Variants in GRM8 observed in about 807,000 individuals in gnomAD.
GRM8 encodes the protein glutamate metabotropic receptor 8.
Under a neutral mutation model 87.2 loss-of-function variants are expected in GRM8, and 47 were observed. The ratio of observed to expected loss-of-function variants is 0.54; its 90% CI spans 0.43 to 0.69. The LOEUF (loss-of-function observed/expected upper bound fraction) is 0.69, where lower values mean the gene tolerates loss of function less well. GRM8 is among the 30% of genes least tolerant of loss of function. The probability of loss-of-function intolerance (pLI) is 0.00; values close to 1 mark genes in which losing one functional copy is unlikely to be tolerated. For synonymous variants in GRM8, 396 were observed against 404.5 expected (o/e 0.98, Z 0.25); for missense variants, 1,019 against 1,139.2 (o/e 0.89, Z 1.52).
chr7:126,823,643 CA>C (rs1775180342), intron 6 of GRM8, among the ~76,000 whole-genome samples: 2 of 152,182 alleles, frequency 1.3e-5, no homozygotes, highest in Non-Finnish European at 2.9e-5. Flanking sequence ...ATTATCATTT[CA>C]AAATGTTATC....
At chr7:126,529,581 T>C (rs2150836930) in intron 9 of GRM8, among the ~76,000 whole-genome samples, 1 of 152,326 alleles carries the variant, frequency 6.6e-6, no homozygotes, top group Non-Finnish European at 1.5e-5. Context: ...TTTTGCCTTT[T>C]TGAGTTTTAT....
In GRM8 at chr7:126,439,407, A is replaced by G. The variant is rs573456856; in HGVS notation, c.2678-239T>C. On this transcript the variant is annotated intron_variant, in intron 10 of 10. Coordinates refer to ENST00000339582, the MANE Select transcript of GRM8 (RefSeq NM_000845.3). ...ATTATAATGGAGCTGAAAAATTCCT[A>G]TCACCCAGTGAACACATAACACAAC... Among the ~76,000 whole-genome samples the G allele has an allele frequency of 7.2e-5, 11 of 152,262 alleles. No individual in the cohort carries two copies. In the South Asian group the frequency reaches 2.1e-3, roughly 29 times the overall value.
intron 6 of GRM8, among the ~76,000 whole-genome samples, chr7:126,849,863 G>A (rs751194083): frequency 7.2e-5 from 11 of 151,974 alleles, no homozygotes; most frequent in Non-Finnish European, 1.2e-4. Context: ...AGCTCCATTC[G>A]AAAAAGAACA....
Position 126,845,520 on chromosome 7 carries a change from C to A in GRM8, c.1156+57022G>T, listed in dbSNP as rs530113279. Among the ~76,000 whole-genome samples, 52 of 152,216 alleles carry A rather than the reference C, an allele frequency of 3.4e-4. 1 individual carries two copies. Among genetic ancestry groups the A allele is most frequent in the Non-Finnish European group, 6.8e-4 (46 of 68,010 alleles). Reference sequence around the variant, plus strand: ...ACAATCTGCACAGAAATGAATCATTCATTACTAAACTTCCTTTACACACCA... The same window carrying A: ...ACAATCTGCACAGAAATGAATCATTAATTACTAAACTTCCTTTACACACCA... On this transcript the variant is annotated intron_variant, in intron 6 of 10. Transcript: ENST00000339582.
At chr7:126,801,466 T>C (rs1441706724) in intron 6 of GRM8, among the ~76,000 whole-genome samples, 1 of 152,234 alleles carries the variant, frequency 6.6e-6, no homozygotes, top group Non-Finnish European at 1.5e-5. Context: ...GTTTAATGAA[T>C]AGTATTTTTC....
At chr7:127,224,575 A>G (rs17875009) in intron 2 of GRM8, among the ~76,000 whole-genome samples, 7,406 of 152,254 alleles carry the variant, frequency 0.049, 481 homozygotes, top group African/African-American at 0.13. Flanking sequence ...GATAAAAGAA[A>G]GAATGTCTCA....
intron 7 of GRM8, among the ~76,000 whole-genome samples, chr7:126,741,736 G>A (rs1049697966): frequency 5.3e-5 from 8 of 152,056 alleles, no homozygotes; most frequent in South Asian, 2.1e-4. Flanking sequence ...CTGAGCCTTC[G>A]TTTCCTTCTT....
intron 3 of GRM8, among the ~76,000 whole-genome samples, chr7:127,082,713 G>A (rs6964696): frequency 0.013 from 1,990 of 152,184 alleles, 42 homozygotes; most frequent in African/African-American, 0.045. Context: ...AATAATAATG[G>A]CAAACATTTC....
At chr7:126,949,834 T>C (rs191916047) in intron 3 of GRM8, among the ~76,000 whole-genome samples, 1 of 152,276 alleles carries the variant, frequency 6.6e-6, no homozygotes, top group Non-Finnish European at 1.5e-5. Context: ...TTTGGGAGAC[T>C]TTCCCTGACT....
At chr7:126,655,060 A>C (rs1170944467) in intron 7 of GRM8, among the ~76,000 whole-genome samples, 1 of 152,238 alleles carries the variant, frequency 6.6e-6, no homozygotes, top group Non-Finnish European at 1.5e-5. Flanking sequence ...AAAGTAAAAA[A>C]AGAACATACA....
At chr7:126,495,853 G>T (rs1808642740) in intron 9 of GRM8, among the ~76,000 whole-genome samples, 1 of 151,912 alleles carries the variant, frequency 6.6e-6, no homozygotes, top group Non-Finnish European at 1.5e-5. Context: ...AGAAAAATTT[G>T]TTGGCAAGGT....
Position 126,714,321 on chromosome 7 carries a change from AAT to A in GRM8, c.1357+55542_1357+55543del, listed in dbSNP as rs1361726400. 4.3e-4 allele frequency among the ~76,000 whole-genome samples: 59 copies of A among 138,388 alleles called. No homozygotes were observed. In the East Asian group the frequency reaches 5.3e-3, roughly 12 times the overall value. The allele number at this position is 138,388 out of a possible 152,430, so 90.8% of individuals were successfully genotyped here. A position where few individuals can be genotyped will look rare whatever the true frequency, so the allele number is the denominator to read the frequency against. On this transcript the variant is annotated intron_variant, in intron 7 of 10. Coordinates refer to ENST00000339582, the MANE Select transcript of GRM8 (RefSeq NM_000845.3). Reference sequence around the variant, plus strand: ...TAATAATAATAATAATAATAATAATAATAAATAGTATCTACCTACAAAGTGCT... The same window carrying A: ...TAATAATAATAATAATAATAATAATAAAATAGTATCTACCTACAAAGTGCT...
chr7:127,225,544 G>T (rs1797269114), intron 2 of GRM8, among the ~76,000 whole-genome samples: 1 of 147,654 alleles, frequency 6.8e-6, no homozygotes, highest in Non-Finnish European at 1.5e-5. Flanking sequence ...AGCTAGGTCA[G>T]GGGGAAGAAA....
chr7:126,678,091 A>G (rs1360007918), intron 7 of GRM8, among the ~76,000 whole-genome samples: 1 of 152,170 alleles, frequency 6.6e-6, no homozygotes, highest in African/African-American at 2.4e-5. Flanking sequence ...TGTTTTGTTC[A>G]ATTTTCTCTA....
chr7:126,456,835 A>AT lies in GRM8; in HGVS notation c.2431-10464dup, dbSNP rs1369587574. ...AAATAACAATATATATAACATCTAC[A>AT]TTTTTTTAAAATGTACAATGTCAGT... On this transcript the variant is annotated intron_variant, in intron 9 of 10. Transcript: ENST00000339582. Among the ~76,000 whole-genome samples the AT allele has an allele frequency of 3.3e-5, 5 of 151,594 alleles. No individual in the cohort carries two copies. The East Asian group carries it at 5.9e-4, about 18-fold the overall frequency.
chr7:126,561,901 G>A (rs1474023986), intron 8 of GRM8, among the ~76,000 whole-genome samples: 2 of 149,998 alleles, frequency 1.3e-5, no homozygotes, highest in Non-Finnish European at 3.0e-5. Context: ...CCTTGCGATA[G>A]TTCGCTGAGA....
intron 7 of GRM8, among the ~76,000 whole-genome samples, chr7:126,629,844 G>T (rs1450091923): frequency 2.6e-5 from 4 of 152,106 alleles, no homozygotes; most frequent in Admixed American, 6.6e-5. Flanking sequence ...AAGACATAGT[G>T]AAATATATTT....
At chr7:127,193,655 A>C (rs1408711634) in intron 2 of GRM8, among the ~76,000 whole-genome samples, 1 of 152,186 alleles carries the variant, frequency 6.6e-6, no homozygotes, top group Non-Finnish European at 1.5e-5. Context: ...TGGGTCAAGA[A>C]CGGTAGCTAT....
intron 6 of GRM8, among the ~76,000 whole-genome samples, chr7:126,901,035 A>C (rs1214739629): frequency 6.6e-6 from 1 of 152,186 alleles, no homozygotes; most frequent in Non-Finnish European, 1.5e-5. Context: ...AACTTCTGGA[A>C]AGAACTTCAA....
Sources: gnomAD v4.1 joint callset for allele counts (sites outside exome capture counted in the v4.1 genomes callset) on GRCh38, gnomAD v4.1.1 for gene constraint, MANE v1.5 for transcripts, NCBI Gene and HGNC (gene_info 2026-07-23, HGNC 2026-07-21) for gene names.